Variants in CHMP2B observed in about 807,000 individuals in gnomAD.
CHMP2B encodes VPS2 homolog B.
A neutral mutation model predicts 29.8 loss-of-function variants in CHMP2B; 22 were observed. That is an observed-to-expected ratio of 0.74 (90% CI 0.53 to 1.05). The LOEUF (loss-of-function observed/expected upper bound fraction) is 1.05. CHMP2B is among the 50% of genes least tolerant of loss of function. The pLI is 0.00. For synonymous variants in CHMP2B, 78 were observed against 75.8 expected, an observed-to-expected ratio of 1.03 and a Z score of -0.15; for missense variants, 261 against 252.2, an observed-to-expected ratio of 1.03 and a Z score of -0.24.
At chr3:87,231,757 C>G (rs1705912514) in intron 1 of CHMP2B, among the ~76,000 whole-genome samples, 1 of 152,016 alleles carries the variant, frequency 6.6e-6, no homozygotes, top group Non-Finnish European at 1.5e-5. Context: ...CTTTTGATGC[C>G]CTTATGCCTA....
chr3:87,232,420 A>C (rs558521737), intron 1 of CHMP2B, among the ~76,000 whole-genome samples: 1 of 152,278 alleles, frequency 6.6e-6, no homozygotes, highest in South Asian at 2.1e-4. Flanking sequence ...CTTTCCCAGG[A>C]TGCTATGTGT....
chr3:87,253,023 C>A, intron 4 of CHMP2B: 1 of 180,760 alleles, frequency 5.5e-6, no homozygotes, highest in Non-Finnish European at 1.2e-5. Context: ...AATCGTTTTC[C>A]AGATATTAAC....
chr3:87,236,984 A>C (rs963855531), intron 1 of CHMP2B, among the ~76,000 whole-genome samples: 3 of 152,208 alleles, frequency 2.0e-5, no homozygotes, highest in African/African-American at 7.2e-5. Context: ...TAAGTTTAAA[A>C]ATTAGAGCAC....
intron 1 of CHMP2B, 144 bp from the exon 2 acceptor site, chr3:87,240,555 C>G (rs1354987349): frequency 3.2e-6 from 2 of 631,668 alleles, no homozygotes; most frequent in Non-Finnish European, 5.9e-6. Context: ...GGTGATCCAC[C>G]CAAAGTGCTG....
intron 1 of CHMP2B, among the ~76,000 whole-genome samples, chr3:87,236,927 G>C (rs1241666301): frequency 6.6e-6 from 1 of 152,104 alleles, no homozygotes; most frequent in East Asian, 1.9e-4. Flanking sequence ...GGAGTCCTTA[G>C]TCCTTAGTAC....
At chr3:87,250,063 C>G (rs1398297899) in intron 4 of CHMP2B, 86 bp downstream of exon 4, 1 of 787,378 alleles carries the variant, frequency 1.3e-6, no homozygotes, top group Non-Finnish European at 2.1e-6. Context: ...TTCTCATTCA[C>G]GAAGGCAGAA....
chr3:87,227,839 C>T (rs150846265), intron 1 of CHMP2B, among the ~76,000 whole-genome samples: 1 of 152,282 alleles, frequency 6.6e-6, no homozygotes, highest in African/African-American at 2.4e-5. Flanking sequence ...GCTAGCTGGC[C>T]CTTGAGTGTC....
chr3:87,245,633 A>G, intron 2 of CHMP2B, 81 bp from the exon 3 acceptor site: 2 of 1,153,460 alleles, frequency 1.7e-6, no homozygotes, highest in Admixed American at 1.9e-5. Flanking sequence ...TGTTATGTGT[A>G]TTAGATCTGT....
chr3:87,238,270 A>G (rs966945397), intron 1 of CHMP2B, among the ~76,000 whole-genome samples: 2 of 152,204 alleles, frequency 1.3e-5, no homozygotes, highest in African/African-American at 2.4e-5. Flanking sequence ...GTTCAGTGGC[A>G]TTTAGTACAT....
At chr3:87,247,854 T>C (rs1459496626) in intron 3 of CHMP2B, among the ~76,000 whole-genome samples, 1 of 152,214 alleles carries the variant, frequency 6.6e-6, no homozygotes, top group Non-Finnish European at 1.5e-5. Context: ...GTGGACACCC[T>C]AAACACTCTG....
chr3:87,227,682 C>A, intron 1 of CHMP2B, 126 bp downstream of exon 1: 1 of 1,243,980 alleles, frequency 8.0e-7, no homozygotes, highest in Non-Finnish European at 1.2e-6. Flanking sequence ...CCACAGGTGA[C>A]CGCCCTCGCG....
chr3:87,232,336 C>G (rs1284543838), intron 1 of CHMP2B, among the ~76,000 whole-genome samples: 1 of 152,122 alleles, frequency 6.6e-6, no homozygotes, highest in Non-Finnish European at 1.5e-5. Context: ...AAACGGAATA[C>G]CCTTCAGAAA....
chr3:87,227,544 A>G lies in CHMP2B; in HGVS notation c.22A>G (p.Lys8Glu). ...AACCATGGCGTCCCTCTTCAAGAAGAAAACCGTGGATGGTGAGTTCCAGGC... is the reference window on the plus strand; with the variant it reads ...AACCATGGCGTCCCTCTTCAAGAAGGAAACCGTGGATGGTGAGTTCCAGGC... MASLFKK[K>E]TVDDVIKEQN... The change falls in exon 1 of 6, where the codon AAA becomes GAA. Residue 8 changes from lysine to glutamate, a missense_variant. By Grantham distance (56) the Lys-to-Glu change is moderately conservative (BLOSUM62 1). Transcript: ENST00000263780. 4 of 1,614,138 alleles carry G rather than the reference A, an allele frequency of 2.5e-6. No individual in the cohort carries two copies. The highest frequency in any genetic ancestry group is 3.4e-6 in the Non-Finnish European group (4 of 1,180,020).
intron 4 of CHMP2B, chr3:87,253,110 A>C: frequency 3.4e-6 from 1 of 295,012 alleles, no homozygotes; most frequent in Non-Finnish European, 6.5e-6. Flanking sequence ...AAAAATCTTA[A>C]ACATGTAGCT....
chr3:87,244,715 G>A (rs1270458109), intron 2 of CHMP2B, among the ~76,000 whole-genome samples: 1 of 151,878 alleles, frequency 6.6e-6, no homozygotes, highest in Non-Finnish European at 1.5e-5. Flanking sequence ...AATTTATTGA[G>A]CCCTGTTTTC....
intron 3 of CHMP2B, among the ~76,000 whole-genome samples, chr3:87,246,617 G>A (rs1186541606): frequency 6.6e-6 from 1 of 152,112 alleles, no homozygotes; most frequent in Non-Finnish European, 1.5e-5. Flanking sequence ...TGTGTGAGAA[G>A]GTCACATGAA....
chr3:87,250,100 A>G, intron 4 of CHMP2B, 123 bp downstream of exon 4: 3 of 602,002 alleles, frequency 5.0e-6, no homozygotes, highest in Non-Finnish European at 8.9e-6. Context: ...TGATAGGCTC[A>G]AAATTCTATT....
At chr3:87,236,094 C>T (rs1038120179) in intron 1 of CHMP2B, among the ~76,000 whole-genome samples, 3 of 152,036 alleles carry the variant, frequency 2.0e-5, no homozygotes, top group Admixed American at 2.0e-4. Context: ...AGTGTGTTCA[C>T]CAATTGAGAG....
intron 1 of CHMP2B, among the ~76,000 whole-genome samples, chr3:87,230,971 A>G (rs564552616): frequency 1.8e-3 from 267 of 147,832 alleles, no homozygotes; most frequent in Non-Finnish European, 3.1e-3. Context: ...TCCTCTGACC[A>G]CTCCTTTCTT....
Sources: gnomAD v4.1 joint callset for allele counts (sites outside exome capture counted in the v4.1 genomes callset) on GRCh38, gnomAD v4.1.1 for gene constraint, MANE v1.5 for transcripts, NCBI Gene and HGNC (gene_info 2026-07-23, HGNC 2026-07-21) for gene names.